The following MYO9A variants were observed in gnomAD, a reference collection of about 807,000 sequenced individuals.
MYO9A encodes the protein myosin IXA, also known as unconventional myosin-IXa.
Under a neutral mutation model 293.3 loss-of-function variants are expected in MYO9A, and 103 were observed. The ratio of observed to expected loss-of-function variants is 0.35; its 90% CI spans 0.30 to 0.41. MYO9A has a LOEUF of 0.41. MYO9A is among the 10% of genes least tolerant of loss of function. MYO9A has a pLI of 1.00. For synonymous variants in MYO9A, 1,001 were observed against 1,035.7 expected (o/e 0.97, Z 0.64); for missense variants, 2,685 against 3,033.0 (o/e 0.89, Z 2.69).
intron 29 of MYO9A, among the ~76,000 whole-genome samples, chr15:71,880,074 G>A (rs1171284210): frequency 3.3e-5 from 5 of 152,130 alleles, no homozygotes; most frequent in South Asian, 2.1e-4. Flanking sequence ...GAAAACTCCC[G>A]TGTGCAACAA....
chr15:72,103,382 CAGCAGCAGCAGAAGCAGCAGCAAGCAGCA>C (rs1596584494), intron 1 of MYO9A, among the ~76,000 whole-genome samples: 7 of 142,846 alleles, frequency 4.9e-5, no homozygotes, highest in African/African-American at 1.1e-4. Flanking sequence ...GAAGCAGAAG[CAGCAGCAGCAGAAGCAGCAGCAAGCAGCA>C]AGCAGCAGCA....
chr15:71,843,059 C>G (rs1171118571), intron 39 of MYO9A, among the ~76,000 whole-genome samples: 1 of 152,044 alleles, frequency 6.6e-6, no homozygotes, highest in Non-Finnish European at 1.5e-5. Flanking sequence ...TACGTTTTCT[C>G]TGTGAAACTA....
chr15:71,881,244 T>C (rs552445535), intron 28 of MYO9A, among the ~76,000 whole-genome samples: 6 of 152,198 alleles, frequency 3.9e-5, no homozygotes, highest in African/African-American at 1.4e-4. Flanking sequence ...ATGTAGCCCA[T>C]TACAACTTAG....
chr15:71,969,217 A>C (rs976011783), intron 12 of MYO9A, among the ~76,000 whole-genome samples: 3 of 152,134 alleles, frequency 2.0e-5, no homozygotes, highest in Admixed American at 6.5e-5. Context: ...CATCGACTTC[A>C]TGTTGCCAAC....
At chr15:71,893,138 G>A (rs1596124338) in intron 26 of MYO9A, 6 of 1,286,984 alleles carry the variant, frequency 4.7e-6, no homozygotes, top group Middle Eastern at 2.1e-4. Flanking sequence ...GAGCGCGTCC[G>A]CGCCATTCGA....
intron 18 of MYO9A, among the ~76,000 whole-genome samples, chr15:71,923,893 T>C (rs1457638236): frequency 3.3e-5 from 5 of 152,162 alleles, no homozygotes; most frequent in African/African-American, 1.2e-4. Flanking sequence ...TTAAGGTTTA[T>C]TTTGTTCTCA....
At chr15:72,112,616 T>C (rs1344042163) in intron 1 of MYO9A, among the ~76,000 whole-genome samples, 1 of 152,246 alleles carries the variant, frequency 6.6e-6, no homozygotes, top group Non-Finnish European at 1.5e-5. Flanking sequence ...TGTATGAAAC[T>C]ATGCCATAAT....
intron 11 of MYO9A, among the ~76,000 whole-genome samples, chr15:71,982,164 G>A (rs372487524): frequency 1.4e-3 from 210 of 151,104 alleles, no homozygotes; most frequent in African/African-American, 4.5e-3. Context: ...GGACTACAGG[G>A]GCCTGCCACC....
Position 71,878,065 on chromosome 15 carries a change from T to C in MYO9A, c.5906A>G (p.Lys1969Arg). ...VFLDEYMNEF[K>R]TSDCTATKVP... Reference sequence around the variant, plus strand: ...CTTTGTGGCTGTGCAATCTGAAGTCTTGAATTCATTCATATATTCATCTAA... The same window carrying C: ...CTTTGTGGCTGTGCAATCTGAAGTCCTGAATTCATTCATATATTCATCTAA... The change falls in exon 31 of 42, where the codon AAG becomes AGG. Residue 1969 changes from lysine (K) to arginine (R), a missense_variant. Coordinates refer to ENST00000356056, the MANE Select transcript of MYO9A (RefSeq NM_006901.4). 1.2e-6 allele frequency: 2 copies of C among 1,606,304 alleles called. No individual in the cohort carries two copies. Among genetic ancestry groups the C allele is most frequent in the Non-Finnish European group, 1.7e-6 (2 of 1,177,772 alleles).
In MYO9A at chr15:72,117,901, A is replaced by AT; in HGVS notation, c.-294dup. The AT allele has an allele frequency of 2.5e-6, 1 of 398,350 alleles. No individual in the cohort carries two copies. The highest frequency in any genetic ancestry group is 4.4e-6 in the Non-Finnish European group (1 of 225,952). 24.7% of individuals were successfully genotyped at this position (398,350 alleles called of 1,614,324 possible). Reference sequence around the variant, plus strand: ...GACTCCGCCCGGCCTGAGCAGGCACATCCCCCGCCGCACCCCGCCCAGAGA... The same window carrying AT: ...GACTCCGCCCGGCCTGAGCAGGCACATTCCCCCGCCGCACCCCGCCCAGAGA... On this transcript the variant is annotated 5_prime_UTR_variant, in exon 1 of 42. The change creates a new upstream start codon in the 5' untranslated region. Transcript: ENST00000356056.
intron 1 of MYO9A, among the ~76,000 whole-genome samples, chr15:72,076,077 G>A (rs1023039518): frequency 2.6e-5 from 4 of 152,120 alleles, no homozygotes; most frequent in African/African-American, 9.7e-5. Flanking sequence ...GCTAAGGTGG[G>A]CAGATCACTT....
At chr15:71,979,449 C>T (rs912439387) in intron 11 of MYO9A, among the ~76,000 whole-genome samples, 1 of 152,002 alleles carries the variant, frequency 6.6e-6, no homozygotes, top group African/African-American at 2.4e-5. Context: ...CTATCCAAAC[C>T]CTCCTACCCA....
At chr15:72,016,105 TAA>T (rs1372203795) in intron 6 of MYO9A, among the ~76,000 whole-genome samples, 1 of 152,060 alleles carries the variant, frequency 6.6e-6, no homozygotes, top group African/African-American at 2.4e-5. Flanking sequence ...ATAATAAAAA[TAA>T]AAAGACATTT....
intron 39 of MYO9A, chr15:71,847,356 G>A (rs1218130196): frequency 2.4e-6 from 1 of 409,180 alleles, no homozygotes; most frequent in Non-Finnish European, 5.2e-6. Flanking sequence ...AACAATTCCT[G>A]GATGAACGAG....
intron 2 of MYO9A, 56 bp from the exon 3 acceptor site, chr15:72,032,644 GA>G: frequency 8.2e-7 from 1 of 1,219,938 alleles, no homozygotes; most frequent in South Asian, 1.6e-5. Context: ...TTTTTTTTTG[GA>G]GGGGGGATTA....
At chr15:72,003,959 TCTCAA>T (rs1008475770) in intron 8 of MYO9A, among the ~76,000 whole-genome samples, 6 of 152,078 alleles carry the variant, frequency 3.9e-5, no homozygotes, top group African/African-American at 1.4e-4. Context: ...GTACAAAAAC[TCTCAA>T]CTCATTTCAT....
In MYO9A at chr15:71,978,363, A is replaced by G. The variant is rs140085805; in HGVS notation, c.1723-71T>C. 1,146 of 1,314,830 alleles carry G rather than the reference A, an allele frequency of 8.7e-4. 6 individuals are homozygous for G. The African/African-American group carries it at 0.016, about 19-fold the overall frequency. The allele number at this position is 1,314,830 out of a possible 1,614,324, so 81.4% of individuals were successfully genotyped here. A position where few individuals can be genotyped will look rare whatever the true frequency, so the allele number is the denominator to read the frequency against. ...AAATAGGTATATAATATAGATTGAA[A>G]AGCTTTTACCCTGCTTAAAATTCTA... On this transcript the variant is annotated intron_variant, in intron 11 of 41. Transcript: ENST00000356056.
At chr15:71,981,460 T>C (rs2076269164) in intron 11 of MYO9A, among the ~76,000 whole-genome samples, 1 of 152,250 alleles carries the variant, frequency 6.6e-6, no homozygotes, top group Non-Finnish European at 1.5e-5. Context: ...TCATTAATAG[T>C]TATAGAAACA....
chr15:71,960,036 T>G lies in MYO9A; in HGVS notation c.2047A>C (p.Ser683Arg), dbSNP rs1450377857. ...ATCCCAGAGATAAATGCATTCTTGC[T>G]GCTTCTCAGAAGAGCTACAATGTCT... Reference protein sequence around the residue: ...RPDIVALLRSSKNAFISGMIG... With the variant: ...RPDIVALLRSRKNAFISGMIG... Residue 683 changes from serine (S) to arginine (R), a missense_variant, in exon 14 of 42, where the codon AGC becomes CGC. By Grantham distance (110) the Ser-to-Arg change is moderately radical. Transcript: ENST00000356056. The G allele has an allele frequency of 6.2e-7, 1 of 1,613,958 alleles. No individual in the cohort carries two copies. The highest frequency in any genetic ancestry group is 1.3e-5 in the African/African-American group (1 of 74,918).
Sources: gnomAD v4.1 joint callset for allele counts (sites outside exome capture counted in the v4.1 genomes callset) on GRCh38, gnomAD v4.1.1 for gene constraint, MANE v1.5 for transcripts, NCBI Gene and HGNC (gene_info 2026-07-23, HGNC 2026-07-21) for gene names.